Variants in CNTN4 observed in about 807,000 individuals in gnomAD.
The protein encoded by CNTN4 is contactin 4.
In CNTN4, 77 loss-of-function variants were observed where a neutral mutation model predicts 122.5. The ratio of observed to expected loss-of-function variants is 0.63; its 90% CI spans 0.52 to 0.76. CNTN4 has a LOEUF of 0.76. CNTN4 is among the 30% of genes least tolerant of loss of function. The probability of loss-of-function intolerance (pLI) is 0.00; values close to 1 mark genes in which losing one functional copy is unlikely to be tolerated. For missense variants in CNTN4, 1,256 were observed against 1,259.1 expected, an observed-to-expected ratio of 1.00 and a Z score of 0.04; for synonymous variants, 512 against 447.0, an observed-to-expected ratio of 1.15 and a Z score of -1.83.
intron 6 of CNTN4, among the ~76,000 whole-genome samples, chr3:2,787,244 C>T (rs1238877303): frequency 6.6e-6 from 1 of 151,962 alleles, no homozygotes; most frequent in Non-Finnish European, 1.5e-5. Context: ...GTCGTGGTGG[C>T]GGGCGCCTGT....
At chr3:2,514,775 T>G (rs1457524987) in intron 3 of CNTN4, among the ~76,000 whole-genome samples, 1 of 152,212 alleles carries the variant, frequency 6.6e-6, no homozygotes, top group Admixed American at 6.5e-5. Flanking sequence ...TGGGCATTCA[T>G]GCCTGGAACG....
At chr3:2,894,090 A>T (rs1417224645) in intron 10 of CNTN4, among the ~76,000 whole-genome samples, 3 of 152,230 alleles carry the variant, frequency 2.0e-5, no homozygotes, top group African/African-American at 4.8e-5. Flanking sequence ...AAAATATTTA[A>T]TGAAAAGAGT....
intron 7 of CNTN4, among the ~76,000 whole-genome samples, chr3:2,829,432 C>A (rs563018690): frequency 1.1e-4 from 16 of 152,200 alleles, no homozygotes; most frequent in Non-Finnish European, 1.6e-4. Context: ...CCACTTCTCT[C>A]ATCCATGAGA....
At chr3:2,651,878 A>AT (rs1015301541) in intron 4 of CNTN4, among the ~76,000 whole-genome samples, 10 of 150,580 alleles carry the variant, frequency 6.6e-5, no homozygotes, top group East Asian at 2.0e-4. Flanking sequence ...TAACTTTTGC[A>AT]TTTTTTTTAG....
chr3:2,441,444 C>T (rs2048435710), intron 3 of CNTN4, among the ~76,000 whole-genome samples: 1 of 152,126 alleles, frequency 6.6e-6, no homozygotes, highest in Non-Finnish European at 1.5e-5. Flanking sequence ...TTATCTGTCC[C>T]CGAAAGAGAC....
In CNTN4 at chr3:2,826,286, TA is replaced by T. The variant is rs577088671; in HGVS notation, c.454+6706del. Among the ~76,000 whole-genome samples the T allele has an allele frequency of 1.4e-4, 22 of 152,318 alleles. No individual in the cohort carries two copies. The South Asian group carries it at 4.6e-3, about 32-fold the overall frequency. Reference sequence around the variant, plus strand: ...TCTGGCATCATCCAGGTAATTTTAATATGCAGCCAGGGTGGAAAACTTGAGT... The same window carrying T: ...TCTGGCATCATCCAGGTAATTTTAATTGCAGCCAGGGTGGAAAACTTGAGT... On this transcript the variant is annotated intron_variant, in intron 7 of 24. Transcript: ENST00000418658.
chr3:2,966,693 T>A (rs1369034199), intron 13 of CNTN4, among the ~76,000 whole-genome samples: 2 of 152,212 alleles, frequency 1.3e-5, no homozygotes, highest in African/African-American at 2.4e-5. Context: ...CCTGATGGGA[T>A]CATTACACAT....
chr3:2,241,419 C>T (rs2039934966), intron 2 of CNTN4, among the ~76,000 whole-genome samples: 2 of 152,158 alleles, frequency 1.3e-5, no homozygotes, highest in Admixed American at 6.6e-5. Context: ...CCTCCTGCTA[C>T]TTATTATCAC....
intron 7 of CNTN4, among the ~76,000 whole-genome samples, chr3:2,865,246 T>C (rs1369862522): frequency 6.6e-6 from 1 of 152,214 alleles, no homozygotes; most frequent in Non-Finnish European, 1.5e-5. Flanking sequence ...GGAAATGTTA[T>C]AATCCAGTGA....
intron 4 of CNTN4, among the ~76,000 whole-genome samples, chr3:2,608,420 A>G (rs937557704): frequency 2.0e-5 from 3 of 152,152 alleles, no homozygotes; most frequent in African/African-American, 4.8e-5. Context: ...TGATTATTCC[A>G]CTGCACTACA....
At chr3:2,541,167 G>A (rs2078016283) in intron 3 of CNTN4, among the ~76,000 whole-genome samples, 1 of 152,068 alleles carries the variant, frequency 6.6e-6, no homozygotes, top group Non-Finnish European at 1.5e-5. Flanking sequence ...TTTGAATTTT[G>A]TAAACTCTTA....
intron 4 of CNTN4, among the ~76,000 whole-genome samples, chr3:2,641,666 T>TC (rs1280621895): frequency 1.3e-5 from 2 of 152,070 alleles, no homozygotes; most frequent in Non-Finnish European, 2.9e-5. Flanking sequence ...ACTCTAAATA[T>TC]CCCCCCCAAA....
In CNTN4 at chr3:2,249,065, A is replaced by T. The variant is rs568523561; in HGVS notation, c.-144-90113A>T. On this transcript the variant is annotated intron_variant, in intron 2 of 24. Transcript: ENST00000418658. ...TAAAAAATTGTACCCTGACCTCATTACTATACATTACATATATTGAAACAT... is the reference window on the plus strand; with the variant it reads ...TAAAAAATTGTACCCTGACCTCATTTCTATACATTACATATATTGAAACAT... 2.0e-5 allele frequency among the ~76,000 whole-genome samples: 3 copies of T among 152,096 alleles called. No homozygotes were observed. The East Asian group carries it at 5.8e-4, about 29-fold the overall frequency.
chr3:2,283,651 T>A (rs544139388), intron 2 of CNTN4, among the ~76,000 whole-genome samples: 1 of 152,256 alleles, frequency 6.6e-6, no homozygotes, highest in African/African-American at 2.4e-5. Context: ...GTGTGGATAA[T>A]GAGGGAACAA....
chr3:2,540,288 G>A (rs957311877), intron 3 of CNTN4, among the ~76,000 whole-genome samples: 2 of 152,018 alleles, frequency 1.3e-5, no homozygotes, highest in African/African-American at 4.8e-5. Flanking sequence ...GGCACCCAAG[G>A]TTTGGTTACG....
intron 7 of CNTN4, among the ~76,000 whole-genome samples, chr3:2,851,514 T>C (rs1173520480): frequency 6.6e-6 from 1 of 152,250 alleles, no homozygotes; most frequent in Admixed American, 6.5e-5. Flanking sequence ...GGATAGCCAA[T>C]GCCAGTTAGG....
In CNTN4 at chr3:2,588,506, T is replaced by C. The variant is rs544453883; in HGVS notation, c.55+16948T>C. On this transcript the variant is annotated intron_variant, in intron 4 of 24. Transcript: ENST00000418658. ...CTCAGCCTCCAAGTAGCTGGGATTA[T>C]AGGCTCTCACCACCATGCCCAACTA... Among the ~76,000 whole-genome samples the C allele has an allele frequency of 1.8e-3, 271 of 152,014 alleles. 2 individuals are homozygous for C. The highest frequency in any genetic ancestry group is 6.3e-3 in the African/African-American group (263 of 41,470).
At chr3:2,595,019 C>G (rs180829982) in intron 4 of CNTN4, among the ~76,000 whole-genome samples, 99 of 152,214 alleles carry the variant, frequency 6.5e-4, no homozygotes, top group African/African-American at 2.4e-3. Flanking sequence ...GGGTATGTGA[C>G]CAGCCTTGAA....
intron 3 of CNTN4, among the ~76,000 whole-genome samples, chr3:2,425,604 G>T (rs1171503776): frequency 6.6e-6 from 1 of 152,144 alleles, no homozygotes; most frequent in Non-Finnish European, 1.5e-5. Context: ...CCAAGTCTGT[G>T]AAGAAAGTCA....
Sources: allele counts gnomAD v4.1 joint callset (sites outside exome capture counted in the v4.1 genomes callset), GRCh38; gene constraint gnomAD v4.1.1; transcripts MANE v1.5; gene names NCBI Gene and HGNC (gene_info 2026-07-23, HGNC 2026-07-21).